Variants in MSL2 observed in about 807,000 individuals in gnomAD.
MSL2 encodes MSL complex subunit 2.
MSL2 carries 2 observed loss-of-function variants against 35.8 expected under a neutral mutation model. The observed-to-expected ratio is 0.06, with a 90% CI of 0.02 to 0.18. The LOEUF (loss-of-function observed/expected upper bound fraction) is 0.18, where lower values mean the gene tolerates loss of function less well. Ranked by LOEUF, MSL2 falls within the 10% of genes least tolerant of loss-of-function variation. The probability of loss-of-function intolerance (pLI) is 1.00; values close to 1 mark genes in which losing one functional copy is unlikely to be tolerated. For synonymous variants in MSL2, 296 were observed against 255.7 expected, an observed-to-expected ratio of 1.16 and a Z score of -1.50; for missense variants, 523 against 706.7, an observed-to-expected ratio of 0.74 and a Z score of 2.95.
chr3:136,174,866 G>A (rs920400136), intron 1 of MSL2, among the ~76,000 whole-genome samples: 3 of 152,138 alleles, frequency 2.0e-5, no homozygotes, highest in African/African-American at 7.2e-5. Context: ...TATGCATAAT[G>A]TATTCATGTG....
chr3:136,164,935 G>T (rs146039687), intron 1 of MSL2, among the ~76,000 whole-genome samples: 4 of 151,660 alleles, frequency 2.6e-5, no homozygotes, highest in East Asian at 1.9e-4. Flanking sequence ...GTGCAGTGGC[G>T]TGATCTTGGC....
chr3:136,155,590 A>G, intron 1 of MSL2: 1 of 321,960 alleles, frequency 3.1e-6, no homozygotes, highest in Non-Finnish European at 6.4e-6. Flanking sequence ...GACAGCATTC[A>G]ACCCCAAGAG....
chr3:136,194,480 G>T, intron 1 of MSL2: 1 of 985,770 alleles, frequency 1.0e-6, no homozygotes. Flanking sequence ...GAGGAACCTG[G>T]GGCAAAGTTC....
intron 1 of MSL2, among the ~76,000 whole-genome samples, chr3:136,160,336 A>AAGGAGGGAGGGAGGG (rs1939669132): frequency 3.9e-5 from 1 of 25,784 alleles, no homozygotes; most frequent in Non-Finnish European, 8.7e-5. Context: ...GGAGGGAAGG[A>AAGGAGGGAGGGAGGG]AGGAGGGAGG....
chr3:136,156,653 A>T (rs575664928), intron 1 of MSL2, among the ~76,000 whole-genome samples: 3 of 152,290 alleles, frequency 2.0e-5, no homozygotes, highest in African/African-American at 7.2e-5. Context: ...TCACGAGGTC[A>T]GGAGATTGAG....
chr3:136,176,842 C>G (rs1318100071), intron 1 of MSL2, among the ~76,000 whole-genome samples: 1 of 152,078 alleles, frequency 6.6e-6, no homozygotes, highest in African/African-American at 2.4e-5. Context: ...CCTGCAGAAC[C>G]GTGAACCAAA....
intron 1 of MSL2, among the ~76,000 whole-genome samples, chr3:136,158,057 A>G (rs1383837027): frequency 6.6e-6 from 1 of 152,242 alleles, no homozygotes; most frequent in Non-Finnish European, 1.5e-5. Context: ...CACGCCTGTA[A>G]TCCCAACACT....
intron 1 of MSL2, chr3:136,152,976 T>C (rs963626433): frequency 4.8e-5 from 47 of 985,422 alleles, no homozygotes; most frequent in Non-Finnish European, 5.7e-5. Context: ...TCTGTGTCTC[T>C]CTCCCCAAGC....
At chr3:136,156,743 T>C (rs1939538447) in intron 1 of MSL2, among the ~76,000 whole-genome samples, 1 of 152,112 alleles carries the variant, frequency 6.6e-6, no homozygotes, top group Admixed American at 6.5e-5. Context: ...TAGTCCCAGC[T>C]ACTCGGGAGG....
Position 136,154,084 on chromosome 3 carries a change from A to AT in MSL2, c.143-1347dup, listed in dbSNP as rs1410645077. ...GGCGACAAGAGCAAAACTCCGTCTC[A>AT]TTTAAAAAAAAAAAAAAAGGAGTTT... On this transcript the variant is annotated intron_variant, in intron 1 of 1. Transcript: ENST00000309993. Among the ~76,000 whole-genome samples, 5 of 151,094 alleles carry AT rather than the reference A, an allele frequency of 3.3e-5. No individual in the cohort carries two copies. In the South Asian group the frequency reaches 6.3e-4, roughly 19 times the overall value.
chr3:136,173,391 A>G (rs1355150972), intron 1 of MSL2, among the ~76,000 whole-genome samples: 1 of 151,966 alleles, frequency 6.6e-6, no homozygotes, highest in Non-Finnish European at 1.5e-5. Context: ...AGCAAATATA[A>G]ATTTTATCTC....
intron 1 of MSL2, among the ~76,000 whole-genome samples, chr3:136,171,617 G>C (rs970119374): frequency 3.3e-5 from 5 of 152,146 alleles, no homozygotes; most frequent in Non-Finnish European, 7.4e-5. Flanking sequence ...CAGTAATTCT[G>C]TAACTGTCCA....
chr3:136,176,912 C>T (rs1423329440), intron 1 of MSL2, among the ~76,000 whole-genome samples: 7 of 152,124 alleles, frequency 4.6e-5, no homozygotes, highest in Admixed American at 1.3e-4. Context: ...GCAACACAAA[C>T]GGACTTACAC....
rs1940804755 is a variant in MSL2 at position 136,195,323 on chromosome 3, A to C, written c.-210T>G. The C allele has an allele frequency of 7.4e-7, 1 of 1,357,882 alleles. No individual in the cohort carries two copies. Among genetic ancestry groups the C allele is most frequent in the Admixed American group, 3.6e-5 (1 of 27,890 alleles). 84.1% of individuals were successfully genotyped at this position (1,357,882 alleles called of 1,614,324 possible). Reference sequence around the variant, plus strand: ...GCCTTGGCGCCCCTCCGTCCCTGAGACTTCCAGACCAAAAATATGAGAGAG... The same window carrying C: ...GCCTTGGCGCCCCTCCGTCCCTGAGCCTTCCAGACCAAAAATATGAGAGAG... On this transcript the variant is annotated 5_prime_UTR_variant, in exon 1 of 2. Transcript: ENST00000309993.
At chr3:136,161,892 T>A (rs1044046113) in intron 1 of MSL2, among the ~76,000 whole-genome samples, 1 of 151,918 alleles carries the variant, frequency 6.6e-6, no homozygotes, top group African/African-American at 2.4e-5. Flanking sequence ...CTTAGCTTCA[T>A]CTAAGGAAGG....
chr3:136,189,463 A>G (rs906346743), intron 1 of MSL2, among the ~76,000 whole-genome samples: 43 of 148,070 alleles, frequency 2.9e-4, no homozygotes, highest in African/African-American at 1.1e-3. Flanking sequence ...AGTGGCTCAC[A>G]CCTGTAATCT....
intron 1 of MSL2, among the ~76,000 whole-genome samples, chr3:136,180,760 AGG>A (rs1559969118): frequency 0.025 from 1,036 of 41,622 alleles, 54 homozygotes; most frequent in African/African-American, 0.085. Context: ...GAAGGAGGGA[AGG>A]AGGGAGGGAG....
intron 1 of MSL2, among the ~76,000 whole-genome samples, chr3:136,161,728 A>C (rs921237669): frequency 1.3e-5 from 2 of 152,134 alleles, no homozygotes; most frequent in African/African-American, 4.8e-5. Flanking sequence ...GGCACAATGG[A>C]ACCTTTTAGG....
At chr3:136,172,171 C>T (rs545352652) in intron 1 of MSL2, among the ~76,000 whole-genome samples, 1 of 152,248 alleles carries the variant, frequency 6.6e-6, no homozygotes, top group South Asian at 2.1e-4. Flanking sequence ...TTGAATATTT[C>T]TACTTATGTC....
Sources: allele counts gnomAD v4.1 joint callset (sites outside exome capture counted in the v4.1 genomes callset), GRCh38; gene constraint gnomAD v4.1.1; transcripts MANE v1.5; gene names NCBI Gene and HGNC (gene_info 2026-07-23, HGNC 2026-07-21).